The following ZHX2 variants were observed in gnomAD, a reference collection of about 807,000 sequenced individuals.
ZHX2 encodes the protein zinc fingers and homeoboxes protein 2.
Under a neutral mutation model 21.9 loss-of-function variants are expected in ZHX2, and 6 were observed. That is an observed-to-expected ratio of 0.27 (90% CI 0.15 to 0.54). The LOEUF (loss-of-function observed/expected upper bound fraction) is 0.54, where lower values mean the gene tolerates loss of function less well. Ranked by LOEUF, ZHX2 falls within the 20% of genes least tolerant of loss-of-function variation. The probability of loss-of-function intolerance (pLI) is 0.95; values close to 1 mark genes in which losing one functional copy is unlikely to be tolerated. For missense variants in ZHX2, 908 were observed against 1,090.7 expected (o/e 0.83, Z 2.36); for synonymous variants, 434 against 437.1 (o/e 0.99, Z 0.09).
intron 1 of ZHX2, among the ~76,000 whole-genome samples, chr8:122,786,965 C>T (rs1031428030): frequency 2.0e-5 from 3 of 151,914 alleles, no homozygotes; most frequent in Non-Finnish European, 4.4e-5. Context: ...ATTCCCCTCC[C>T]CCACCCTTCT....
chr8:122,887,254 C>T (rs1449266299), intron 2 of ZHX2, among the ~76,000 whole-genome samples: 2 of 152,044 alleles, frequency 1.3e-5, no homozygotes, highest in Non-Finnish European at 2.9e-5. Flanking sequence ...TGGCTCACGC[C>T]TGTAATCCCA....
chr8:122,895,473 A>G lies in ZHX2; in HGVS notation c.-220+31934A>G, dbSNP rs891756940. Among the ~76,000 whole-genome samples the G allele has an allele frequency of 3.3e-5, 5 of 152,328 alleles. No individual in the cohort carries two copies. In the East Asian group the frequency reaches 5.8e-4, roughly 18 times the overall value. ...GCTTTGCATGGCTGAAGTTTTAGCA[A>G]TGAATTTCTATAAGCCCTTTTAAAA... On this transcript the variant is annotated intron_variant, in intron 2 of 3. Coordinates refer to ENST00000314393, the MANE Select transcript of ZHX2 (RefSeq NM_014943.5).
chr8:122,863,661 G>C (rs887362494), intron 2 of ZHX2, 122 bp downstream of exon 2: 9 of 152,666 alleles, frequency 5.9e-5, no homozygotes, highest in African/African-American at 2.2e-4. Context: ...TTCCATGCAC[G>C]TGTGCCTGGA....
intron 2 of ZHX2, among the ~76,000 whole-genome samples, chr8:122,879,791 G>A (rs1586354800): frequency 6.6e-6 from 1 of 152,124 alleles, no homozygotes; most frequent in Admixed American, 6.5e-5. Context: ...CCAACATGTG[G>A]CCTTGGATAT....
chr8:122,953,280 T>C lies in ZHX2; in HGVS notation c.1770T>C (p.Ala590=). ...RRKLRDSMEQ[A]VLDSMGSGKK... Reference sequence around the variant, plus strand: ...AGCTTCGAGACAGCATGGAACAAGCTGTCTTGGATTCCATGGGGTCTGGCA... The same window carrying C: ...AGCTTCGAGACAGCATGGAACAAGCCGTCTTGGATTCCATGGGGTCTGGCA... The change falls in exon 3 of 4, where the codon GCT becomes GCC. Residue 590 remains alanine (A), a synonymous_variant. Coordinates refer to ENST00000314393, the MANE Select transcript of ZHX2 (RefSeq NM_014943.5). This position sits in a 1 kb window ranked among gnomAD's most constrained non-coding sequence, Gnocchi z 4.6. The C allele has an allele frequency of 6.2e-7, 1 of 1,614,052 alleles. No homozygotes were observed. Among genetic ancestry groups the C allele is most frequent in the Non-Finnish European group, 8.5e-7 (1 of 1,180,016 alleles).
At chr8:122,848,705 G>A (rs1384521566) in intron 1 of ZHX2, among the ~76,000 whole-genome samples, 1 of 152,178 alleles carries the variant, frequency 6.6e-6, no homozygotes, top group African/African-American at 2.4e-5. Flanking sequence ...ATTTTCCCGG[G>A]CATTGGTGGG....
intron 1 of ZHX2, among the ~76,000 whole-genome samples, chr8:122,813,644 G>A (rs1817974282): frequency 6.6e-6 from 1 of 152,172 alleles, no homozygotes. Context: ...GGGACCAGAA[G>A]TGTTTCAGAT....
chr8:122,805,327 C>T (rs1817801326), intron 1 of ZHX2, among the ~76,000 whole-genome samples: 1 of 152,214 alleles, frequency 6.6e-6, no homozygotes, highest in Admixed American at 6.5e-5. Context: ...CCATCAGTCA[C>T]TGGCCATGGG....
intron 2 of ZHX2, among the ~76,000 whole-genome samples, chr8:122,883,070 A>C (rs1048811846): frequency 6.6e-6 from 1 of 152,124 alleles, no homozygotes; most frequent in African/African-American, 2.4e-5. Flanking sequence ...CCTGATGTCC[A>C]GACTCTTTTC....
chr8:122,893,940 T>G (rs1223253092), intron 2 of ZHX2, among the ~76,000 whole-genome samples: 3 of 152,266 alleles, frequency 2.0e-5, no homozygotes, highest in Non-Finnish European at 4.4e-5. Flanking sequence ...GTGGGACAGT[T>G]GCCTCTTCCA....
In ZHX2 at chr8:122,782,126, G is replaced by GC. The variant is rs757250187; in HGVS notation, c.-283+180_-283+181insC. Among the ~76,000 whole-genome samples, 10 of 43,666 alleles carry GC rather than the reference G, an allele frequency of 2.3e-4. No homozygotes were observed. The South Asian group carries it at 0.013, about 55-fold the overall frequency. 28.6% of individuals were successfully genotyped at this position (43,666 alleles called of 152,430 possible). ...TTGTGATTGGAAGGGGGGTACGGAA[G>GC]GGGGGGGGTGTGCAGGCTCTTTTTG... is the stretch of plus-strand genomic sequence containing the variant. On this transcript the variant is annotated intron_variant, in intron 1 of 3. Transcript: ENST00000314393. This position sits in a 1 kb window ranked among gnomAD's most constrained non-coding sequence, Gnocchi z 5.3.
chr8:122,839,376 G>A (rs774040487), intron 1 of ZHX2, among the ~76,000 whole-genome samples: 1 of 152,064 alleles, frequency 6.6e-6, no homozygotes, highest in Non-Finnish European at 1.5e-5. Flanking sequence ...CAGCCTCTCG[G>A]GCCCAGTGAC....
At chr8:122,814,283 G>A (rs576212765) in intron 1 of ZHX2, among the ~76,000 whole-genome samples, 14 of 152,278 alleles carry the variant, frequency 9.2e-5, no homozygotes, top group East Asian at 1.9e-4. Context: ...TTTATTCTCC[G>A]GGAACTGGCT....
intron 1 of ZHX2, among the ~76,000 whole-genome samples, chr8:122,821,285 C>T (rs959717745): frequency 6.6e-6 from 1 of 152,086 alleles, no homozygotes; most frequent in South Asian, 2.1e-4. Flanking sequence ...TTCTGCTGGG[C>T]GCTGGGATGG....
At chr8:122,885,890 T>C (rs1819830312) in intron 2 of ZHX2, among the ~76,000 whole-genome samples, 1 of 152,222 alleles carries the variant, frequency 6.6e-6, no homozygotes, top group African/African-American at 2.4e-5. Context: ...TAGTGGGCTC[T>C]GCTAGTGTCT....
chr8:122,887,416 G>A (rs995767396), intron 2 of ZHX2, among the ~76,000 whole-genome samples: 1 of 152,022 alleles, frequency 6.6e-6, no homozygotes, highest in Non-Finnish European at 1.5e-5. Context: ...TACTTGGGAG[G>A]CTGAGGCAAG....
chr8:122,925,942 G>A (rs1820841836), intron 2 of ZHX2, among the ~76,000 whole-genome samples: 2 of 152,048 alleles, frequency 1.3e-5, no homozygotes, highest in African/African-American at 4.8e-5. Context: ...GAGTGGGGGG[G>A]CACACACAGA....
chr8:122,847,037 C>T (rs538518869), intron 1 of ZHX2, among the ~76,000 whole-genome samples: 1 of 152,240 alleles, frequency 6.6e-6, no homozygotes, highest in South Asian at 2.1e-4. Flanking sequence ...GTTGTTATTG[C>T]GATTAGCCTC....
intron 2 of ZHX2, among the ~76,000 whole-genome samples, chr8:122,940,532 G>A (rs1296597223): frequency 1.3e-5 from 2 of 152,142 alleles, no homozygotes; most frequent in Non-Finnish European, 2.9e-5. Flanking sequence ...CACACAGCAG[G>A]CGGCGTGAAG....
Sources: gnomAD v4.1 joint callset for allele counts (sites outside exome capture counted in the v4.1 genomes callset) on GRCh38, gnomAD v4.1.1 for gene constraint, Gnocchi (gnomAD v3.1) non-coding constraint, MANE v1.5 for transcripts, NCBI Gene and HGNC (gene_info 2026-07-23, HGNC 2026-07-21) for gene names.